Variants in NRP2 observed in about 807,000 individuals in gnomAD.
The protein encoded by NRP2 is neuropilin-2.
In NRP2, 52 loss-of-function variants were observed where a neutral mutation model predicts 110.4. That is an observed-to-expected ratio of 0.47 (90% confidence interval 0.38 to 0.59). The LOEUF (loss-of-function observed/expected upper bound fraction) is 0.59, where lower values mean the gene tolerates loss of function less well. Among genes scored for constraint, NRP2 ranks in the 20% least tolerant of loss-of-function variants. The pLI, the probability that NRP2 is intolerant of heterozygous loss-of-function variation, is 0.00. For synonymous variants in NRP2, 508 were observed against 468.9 expected (o/e 1.08, Z -1.08); for missense variants, 1,049 against 1,203.0 (o/e 0.87, Z 1.89).
chr2:205,694,829 A>T (rs2056389917), intron 1 of NRP2, among the ~76,000 whole-genome samples: 1 of 152,240 alleles, frequency 6.6e-6, no homozygotes, highest in Non-Finnish European at 1.5e-5. Context: ...AAGTAGAATG[A>T]TTAAGTGTGT....
At chr2:205,713,407 A>G (rs2056836086) in intron 2 of NRP2, among the ~76,000 whole-genome samples, 1 of 152,186 alleles carries the variant, frequency 6.6e-6, no homozygotes, top group Admixed American at 6.5e-5. Flanking sequence ...GTTCTGTGAC[A>G]TGGATGATGA....
chr2:205,777,828 C>T (rs932627086), intron 15 of NRP2: 6 of 152,100 alleles, frequency 3.9e-5, no homozygotes, highest in African/African-American at 1.4e-4. Flanking sequence ...TTAAGTGTAC[C>T]TATGTGCTGC....
chr2:205,764,095 T>C, intron 13 of NRP2, 159 bp downstream of exon 13: 1 of 902,900 alleles, frequency 1.1e-6, no homozygotes, highest in Non-Finnish European at 1.6e-6. Flanking sequence ...ATTCAGAATA[T>C]GCCTATCTCT....
chr2:205,761,928 C>T (rs2057828956), intron 12 of NRP2: 1 of 152,186 alleles, frequency 6.6e-6, no homozygotes, highest in African/African-American at 2.4e-5. Flanking sequence ...TGCTTGTAAC[C>T]TGTAAAGCAT....
intron 3 of NRP2, among the ~76,000 whole-genome samples, chr2:205,718,826 C>G (rs1419028390): frequency 6.6e-6 from 1 of 151,930 alleles, no homozygotes; most frequent in East Asian, 1.9e-4. Flanking sequence ...CCTGTAATCC[C>G]AGCTACTTGG....
chr2:205,707,080 T>G (rs1000586415), intron 2 of NRP2, among the ~76,000 whole-genome samples: 2 of 152,234 alleles, frequency 1.3e-5, no homozygotes, highest in African/African-American at 4.8e-5. Context: ...TTCATGGTCT[T>G]ATGAGGCTCT....
At chr2:205,688,155 C>G (rs1008483729) in intron 1 of NRP2, among the ~76,000 whole-genome samples, 2 of 152,156 alleles carry the variant, frequency 1.3e-5, no homozygotes, top group African/African-American at 4.8e-5. Context: ...AGAAGAATAT[C>G]TTTTTAATTT....
intron 7 of NRP2, among the ~76,000 whole-genome samples, chr2:205,736,333 C>A (rs1258095013): frequency 6.6e-6 from 1 of 152,004 alleles, no homozygotes; most frequent in Non-Finnish European, 1.5e-5. Context: ...CAGAGCAAAA[C>A]CCCATCTCAA....
chr2:205,692,098 T>C (rs1272983866), intron 1 of NRP2, among the ~76,000 whole-genome samples: 1 of 152,224 alleles, frequency 6.6e-6, no homozygotes, highest in Non-Finnish European at 1.5e-5. Context: ...CCTCTCCTGC[T>C]CTCTGCTTCC....
intron 1 of NRP2, chr2:205,685,927 C>G (rs529373182): frequency 2.0e-5 from 3 of 152,440 alleles, no homozygotes; most frequent in South Asian, 4.1e-4. Flanking sequence ...CCTCTAGAAG[C>G]GCCGCGCGCC....
At chr2:205,709,107 G>A (rs1013931347) in intron 2 of NRP2, among the ~76,000 whole-genome samples, 1 of 152,248 alleles carries the variant, frequency 6.6e-6, no homozygotes, top group Non-Finnish European at 1.5e-5. Flanking sequence ...ACAGCAGATG[G>A]AGGACGGGTG....
chr2:205,775,353 C>A (rs1459625537), intron 15 of NRP2, among the ~76,000 whole-genome samples: 1 of 152,172 alleles, frequency 6.6e-6, no homozygotes, highest in African/African-American at 2.4e-5. Flanking sequence ...TCCATAGCAA[C>A]CGGCAGCGGC....
intron 15 of NRP2, chr2:205,767,652 A>G (rs1322544911): frequency 3.9e-6 from 1 of 257,648 alleles, no homozygotes; most frequent in Non-Finnish European, 7.9e-6. Context: ...CAGATTTTAC[A>G]TTTTGCCCTC....
Position 205,764,056 on chromosome 2 carries a change from A to G in NRP2, c.2307+120A>G, listed in dbSNP as rs2057869982. 24 of 1,276,334 alleles carry G rather than the reference A, an allele frequency of 1.9e-5. No individual in the cohort carries two copies. The South Asian group carries it at 2.9e-4, about 16-fold the overall frequency. The allele number at this position is 1,276,334 out of a possible 1,614,324, so 79.1% of individuals were successfully genotyped here. ...TTTTCATTGTGTTTCTCACGTTGCC[A>G]TGGCAACTGAATGACACTCTTATTT... On this transcript the variant is annotated intron_variant, in intron 13 of 16. Transcript: ENST00000357785.
At chr2:205,728,157 T>G (rs1575594435) in intron 7 of NRP2, 111 bp downstream of exon 7, 2 of 1,292,034 alleles carry the variant, frequency 1.5e-6, no homozygotes, top group East Asian at 4.6e-5. Flanking sequence ...GTAGTCAGGC[T>G]CAGATAATTG....
intron 12 of NRP2, chr2:205,761,840 A>C (rs575699130): frequency 1.9e-4 from 29 of 152,238 alleles, no homozygotes; most frequent in Non-Finnish European, 3.8e-4. Flanking sequence ...CAGTTTCTTC[A>C]TCATGTGCAA....
At chr2:205,720,268 T>TCC (rs2056984524) in intron 3 of NRP2, among the ~76,000 whole-genome samples, 1 of 45,052 alleles carries the variant, frequency 2.2e-5, no homozygotes, top group African/African-American at 1.0e-4. Context: ...CTTTCTTTTT[T>TCC]TTTTTTTTTT....
chr2:205,684,570 C>T (rs1013758176), intron 1 of NRP2, among the ~76,000 whole-genome samples: 1 of 152,164 alleles, frequency 6.6e-6, no homozygotes, highest in Admixed American at 6.5e-5. Context: ...ACGCCCCCCA[C>T]CAGCACACAC....
At position 205,688,620 on chromosome 2, in the gene NRP2, C is replaced by T. The variant is rs146184313; in HGVS notation, c.73+5257C>T. ...GTCAAGTTTAGATAAGGCTGAGCTC[C>T]GATCCTCTGGGACCTTGGTTGTATT... On this transcript the variant is annotated intron_variant, in intron 1 of 16. Transcript: ENST00000357785. 5.2e-3 allele frequency among the ~76,000 whole-genome samples: 786 copies of T among 152,188 alleles called. 8 individuals carry two copies. The highest frequency in any genetic ancestry group is 0.018 in the African/African-American group (729 of 41,522).
Sources: gnomAD v4.1 joint callset for allele counts (sites outside exome capture counted in the v4.1 genomes callset) on GRCh38, gnomAD v4.1.1 for gene constraint, MANE v1.5 for transcripts, NCBI Gene and HGNC (gene_info 2026-07-23, HGNC 2026-07-21) for gene names.